Variants in RUNX2 observed in about 807,000 individuals in gnomAD.
RUNX2 encodes the protein RUNX family transcription factor 2, also known as runt-related transcription factor 2.
RUNX2 carries 10 observed loss-of-function variants against 51.7 expected under a neutral mutation model. That is an observed-to-expected ratio of 0.19 (90% CI 0.12 to 0.33). The LOEUF (loss-of-function observed/expected upper bound fraction) is 0.33. Ranked by LOEUF, RUNX2 falls within the 10% of genes least tolerant of loss-of-function variation. The probability of loss-of-function intolerance (pLI) is 1.00; values close to 1 mark genes in which losing one functional copy is unlikely to be tolerated. For missense variants in RUNX2, 562 were observed against 691.3 expected, an observed-to-expected ratio of 0.81 and a Z score of 2.10; for synonymous variants, 276 against 273.6, an observed-to-expected ratio of 1.01 and a Z score of -0.09.
chr6:45,485,697 G>GTATATATATA (rs10677574), intron 5 of RUNX2, among the ~76,000 whole-genome samples: 10 of 104,066 alleles, frequency 9.6e-5, no homozygotes, highest in African/African-American at 3.8e-4. Flanking sequence ...GTGTGTGTGT[G>GTATATATATA]TATATATATA....
At chr6:45,420,538 G>T (rs749609186) in intron 2 of RUNX2, among the ~76,000 whole-genome samples, 1 of 152,216 alleles carries the variant, frequency 6.6e-6, no homozygotes, top group South Asian at 2.1e-4. Flanking sequence ...GCTTCGAGGG[G>T]GAGGCATTCT....
chr6:45,348,650 G>A (rs1791414251), intron 2 of RUNX2, among the ~76,000 whole-genome samples: 2 of 149,994 alleles, frequency 1.3e-5, no homozygotes, highest in Non-Finnish European at 3.0e-5. Flanking sequence ...ACTCCAGCCT[G>A]GGTGACAAAG....
intron 2 of RUNX2, among the ~76,000 whole-genome samples, chr6:45,412,412 C>G (rs1563074480): frequency 6.6e-6 from 1 of 152,026 alleles, no homozygotes; most frequent in East Asian, 1.9e-4. Context: ...TGCTAAGATT[C>G]TTTTGTACGT....
chr6:45,447,992 C>T (rs1401969259), intron 5 of RUNX2, among the ~76,000 whole-genome samples: 2 of 152,184 alleles, frequency 1.3e-5, no homozygotes, highest in Non-Finnish European at 2.9e-5. Flanking sequence ...TTGAAACTTT[C>T]AGGTCATTAT....
chr6:45,369,010 T>C (rs1319303796), intron 2 of RUNX2, among the ~76,000 whole-genome samples: 2 of 151,928 alleles, frequency 1.3e-5, no homozygotes, highest in South Asian at 2.1e-4. Flanking sequence ...ATGAAAAAAA[T>C]TAAAAATTAA....
intron 7 of RUNX2, among the ~76,000 whole-genome samples, chr6:45,521,923 C>G (rs1294586474): frequency 6.6e-6 from 1 of 152,162 alleles, no homozygotes; most frequent in African/African-American, 2.4e-5. Flanking sequence ...TTTGCCACTT[C>G]TGTCAATCTG....
At chr6:45,464,935 C>T (rs944168924) in intron 5 of RUNX2, among the ~76,000 whole-genome samples, 1 of 152,176 alleles carries the variant, frequency 6.6e-6, no homozygotes, top group African/African-American at 2.4e-5. Flanking sequence ...ATCATATGGC[C>T]AGTTCACTGC....
chr6:45,546,688 C>A, intron 8 of RUNX2, 139 bp from the exon 9 acceptor site: 3 of 718,622 alleles, frequency 4.2e-6, no homozygotes, highest in East Asian at 2.7e-5. Flanking sequence ...GTGACTGGTG[C>A]ATTTGAAGGT....
At position 45,498,106 on chromosome 6, in the gene RUNX2, A is replaced by G. The variant is rs547670221; in HGVS notation, c.859+5992A>G. Reference sequence around the variant, plus strand: ...AGTAAGTGGTAAATACAGGAAGTAAAGGCAGCTCTCCATAGCTCCATGGCC... The same window carrying G: ...AGTAAGTGGTAAATACAGGAAGTAAGGGCAGCTCTCCATAGCTCCATGGCC... On this transcript the variant is annotated intron_variant, in intron 6 of 8. Transcript: ENST00000647337. 2.1e-4 allele frequency among the ~76,000 whole-genome samples: 32 copies of G among 152,270 alleles called. No homozygotes were observed. In the South Asian group the frequency reaches 6.6e-3, roughly 32 times the overall value.
chr6:45,395,624 A>T (rs1309591104), intron 2 of RUNX2, among the ~76,000 whole-genome samples: 1 of 152,172 alleles, frequency 6.6e-6, no homozygotes, highest in East Asian at 1.9e-4. Flanking sequence ...TACATTATAA[A>T]CTATAAAAGT....
At chr6:45,546,238 G>A (rs1195193280) in intron 8 of RUNX2, among the ~76,000 whole-genome samples, 1 of 151,848 alleles carries the variant, frequency 6.6e-6, no homozygotes, top group Non-Finnish European at 1.5e-5. Context: ...ATGAGTTTCT[G>A]GTTTGATTTC....
chr6:45,482,876 G>A (rs1800154324), intron 5 of RUNX2, among the ~76,000 whole-genome samples: 1 of 152,238 alleles, frequency 6.6e-6, no homozygotes, highest in East Asian at 1.9e-4. Context: ...GATAAACGCC[G>A]AATCTTACGT....
chr6:45,357,696 A>T (rs1793492515), intron 2 of RUNX2, among the ~76,000 whole-genome samples: 2 of 152,152 alleles, frequency 1.3e-5, no homozygotes, highest in Admixed American at 1.3e-4. Context: ...TCTCACCATA[A>T]TAAAAATAAT....
intron 2 of RUNX2, among the ~76,000 whole-genome samples, chr6:45,418,860 A>G (rs1798118683): frequency 6.6e-6 from 1 of 152,206 alleles, no homozygotes; most frequent in Non-Finnish European, 1.5e-5. Context: ...GAGATCCAAG[A>G]CTAGTAACTT....
In RUNX2 at chr6:45,492,030, G is replaced by A. The variant is rs1466738996; in HGVS notation, c.775G>A (p.Val259Ile). Residue 259 changes from valine (V) to isoleucine (I), a missense_variant, in exon 6 of 9, where the codon GTA becomes ATA. Physicochemically the swap from Val to Ile is conservative, Grantham distance 29. Coordinates refer to ENST00000647337, the MANE Select transcript of RUNX2 (RefSeq NM_001024630.4). ...GCGCATTCCTCATCCCAGTATGAGA[G>A]TAGGTGTCCCGCCTCAGAACCCACG... is the stretch of plus-strand genomic sequence containing the variant. Reference protein sequence around the residue: ...LGRIPHPSMRVGVPPQNPRPS... With the variant: ...LGRIPHPSMRIGVPPQNPRPS... 46 of 1,613,876 alleles carry A rather than the reference G, an allele frequency of 2.9e-5. No individual in the cohort carries two copies. The highest frequency in any genetic ancestry group is 3.5e-5 in the Non-Finnish European group (41 of 1,179,970).
chr6:45,329,342 TAA>T (rs1269226501), intron 2 of RUNX2, among the ~76,000 whole-genome samples: 1 of 151,982 alleles, frequency 6.6e-6, no homozygotes, highest in Non-Finnish European at 1.5e-5. Flanking sequence ...CCTATCTAAA[TAA>T]GTTTGTTTCT....
intron 5 of RUNX2, among the ~76,000 whole-genome samples, chr6:45,462,559 G>T (rs143147730): frequency 6.6e-6 from 1 of 152,144 alleles, no homozygotes; most frequent in South Asian, 2.1e-4. Context: ...TGAATAATTC[G>T]TCAGGGCTAG....
chr6:45,530,503 T>C (rs1046536337), intron 7 of RUNX2, among the ~76,000 whole-genome samples: 10 of 152,184 alleles, frequency 6.6e-5, no homozygotes, highest in Non-Finnish European at 1.0e-4. Flanking sequence ...CCCCACAGTA[T>C]CCTATTGCAT....
At chr6:45,393,756 G>A (rs186681693) in intron 2 of RUNX2, among the ~76,000 whole-genome samples, 1 of 151,982 alleles carries the variant, frequency 6.6e-6, no homozygotes, top group African/African-American at 2.4e-5. Flanking sequence ...AAAGAAAAGA[G>A]GTTTAATTGG....
Sources: allele counts gnomAD v4.1 joint callset (sites outside exome capture counted in the v4.1 genomes callset), GRCh38; gene constraint gnomAD v4.1.1; transcripts MANE v1.5; gene names NCBI Gene and HGNC (gene_info 2026-07-23, HGNC 2026-07-21).